PRKCH: variants seen among roughly 807,000 people sequenced by gnomAD.
PRKCH encodes the protein protein kinase C eta.
PRKCH carries 28 observed loss-of-function variants against 82.5 expected under a neutral mutation model. The ratio of observed to expected loss-of-function variants is 0.34; its 90% CI spans 0.25 to 0.47. PRKCH has a LOEUF of 0.47. Ranked by LOEUF, PRKCH falls within the 20% of genes least tolerant of loss-of-function variation. PRKCH has a pLI of 1.00. For missense variants in PRKCH, 705 were observed against 881.8 expected (o/e 0.80, Z 2.54); for synonymous variants, 322 against 327.4 (o/e 0.98, Z 0.18).
chr14:61,241,666 C>T (rs2044839137), intron 1 of PRKCH, among the ~76,000 whole-genome samples: 1 of 152,174 alleles, frequency 6.6e-6, no homozygotes, highest in South Asian at 2.1e-4. Context: ...TCCTGATCAA[C>T]TTGGTGAAAC....
intron 1 of PRKCH, among the ~76,000 whole-genome samples, chr14:61,336,301 T>C (rs1017380351): frequency 2.0e-5 from 3 of 152,178 alleles, no homozygotes; most frequent in Admixed American, 1.3e-4. Context: ...TGTAAATCAG[T>C]AGGAGATTTC....
chr14:61,237,026 T>C (rs139859847), intron 1 of PRKCH, among the ~76,000 whole-genome samples: 545 of 152,262 alleles, frequency 3.6e-3, no homozygotes, highest in African/African-American at 0.012. Context: ...CTTTACCCTA[T>C]GGACTCGCCC....
chr14:61,514,822 G>T (rs1453404531), intron 10 of PRKCH, among the ~76,000 whole-genome samples: 1 of 152,326 alleles, frequency 6.6e-6, no homozygotes, highest in South Asian at 2.1e-4. Context: ...TTTAGGTGGA[G>T]AAATAAGTCA....
intron 6 of PRKCH, 147 bp downstream of exon 6, chr14:61,451,118 G>T: frequency 8.9e-7 from 1 of 1,121,272 alleles, no homozygotes; most frequent in South Asian, 1.9e-5. Flanking sequence ...AAACTTACAT[G>T]TTTCTTGTCA....
chr14:61,336,878 AG>A, intron 1 of PRKCH, among the ~76,000 whole-genome samples: 1 of 152,030 alleles, frequency 6.6e-6, no homozygotes, highest in East Asian at 1.9e-4. Flanking sequence ...AGACCAACCT[AG>A]CCAGCATGGT....
intron 4 of PRKCH, among the ~76,000 whole-genome samples, 190 bp downstream of exon 4, chr14:61,445,916 G>A (rs993684920): frequency 6.6e-6 from 1 of 152,004 alleles, no homozygotes; most frequent in African/African-American, 2.4e-5. Flanking sequence ...CAATGTAAAG[G>A]GGACGTTTTT....
At chr14:61,437,144 A>G (rs10146980) in intron 2 of PRKCH, among the ~76,000 whole-genome samples, 2,689 of 152,316 alleles carry the variant, frequency 0.018, 87 homozygotes, top group African/African-American at 0.061. Context: ...CCAGTTGTAA[A>G]TAGCCGTTTA....
intron 1 of PRKCH, among the ~76,000 whole-genome samples, chr14:61,374,947 G>T (rs1015657671): frequency 1.3e-5 from 2 of 152,000 alleles, no homozygotes; most frequent in African/African-American, 4.8e-5. Context: ...TGGTTGTACT[G>T]CAAATTTTCC....
intron 1 of PRKCH, chr14:61,303,926 A>G (rs774121188): frequency 1.3e-5 from 2 of 151,866 alleles, no homozygotes; most frequent in African/African-American, 4.8e-5. Context: ...TGTCTTTCCA[A>G]TATGGTAGAC....
At chr14:61,476,303 A>T (rs1032278931) in intron 9 of PRKCH, 1 of 152,188 alleles carries the variant, frequency 6.6e-6, no homozygotes, top group Non-Finnish European at 1.5e-5. Context: ...AAGATATCTC[A>T]CTTAGTATCT....
intron 1 of PRKCH, among the ~76,000 whole-genome samples, chr14:61,380,997 G>A (rs888572407): frequency 2.6e-5 from 4 of 152,256 alleles, no homozygotes; most frequent in Admixed American, 6.5e-5. Context: ...AGCTGGGAGG[G>A]GAGAAATATT....
At chr14:61,384,640 G>A (rs1357683922) in intron 1 of PRKCH, among the ~76,000 whole-genome samples, 3 of 152,146 alleles carry the variant, frequency 2.0e-5, no homozygotes, top group African/African-American at 7.2e-5. Flanking sequence ...ATTCATGTGA[G>A]TTCAACACTG....
chr14:61,540,007 T>C (rs1417607008), intron 12 of PRKCH, among the ~76,000 whole-genome samples: 2 of 152,258 alleles, frequency 1.3e-5, no homozygotes, highest in Non-Finnish European at 2.9e-5. Context: ...CTCCCTGAAA[T>C]TATTTCTCAT....
intron 2 of PRKCH, among the ~76,000 whole-genome samples, chr14:61,437,165 G>T (rs1883718226): frequency 6.6e-6 from 1 of 152,100 alleles, no homozygotes; most frequent in African/African-American, 2.4e-5. Flanking sequence ...GTTAAGTTAG[G>T]CATTTGTTTA....
intron 2 of PRKCH, among the ~76,000 whole-genome samples, chr14:61,402,792 T>A (rs1881707652): frequency 6.6e-6 from 1 of 151,020 alleles, no homozygotes; most frequent in Non-Finnish European, 1.5e-5. Flanking sequence ...AGCGAAACTC[T>A]GTCTCAAAAA....
rs933619837 is a variant in PRKCH at position 61,510,490 on chromosome 14, C to T, written c.1434-18585C>T. On this transcript the variant is annotated intron_variant, in intron 10 of 13. Transcript: ENST00000332981. ...TGTGGTTGGGGGACCAAGGAGTAGG[C>T]GTTAAAGATGACTCCGAGATTTCCA... Among the ~76,000 whole-genome samples, 4 of 151,950 alleles carry T rather than the reference C, an allele frequency of 2.6e-5. 1 individual carries two copies. Among genetic ancestry groups the T allele is most frequent in the African/African-American group, 9.7e-5 (4 of 41,342 alleles).
At chr14:61,301,853 A>G (rs964211417) in intron 1 of PRKCH, among the ~76,000 whole-genome samples, 2 of 152,176 alleles carry the variant, frequency 1.3e-5, no homozygotes, top group African/African-American at 4.8e-5. Context: ...AAAGAAGTAC[A>G]TATCTTAAAG....
At chr14:61,323,664 T>C (rs563951295) in intron 1 of PRKCH, among the ~76,000 whole-genome samples, 23 of 152,346 alleles carry the variant, frequency 1.5e-4, no homozygotes, top group African/African-American at 4.8e-4. Flanking sequence ...TTCCTTTCTT[T>C]TAAATAGAAG....
At chr14:61,370,125 G>A (rs1278448268) in intron 1 of PRKCH, among the ~76,000 whole-genome samples, 1 of 151,840 alleles carries the variant, frequency 6.6e-6, no homozygotes, top group Non-Finnish European at 1.5e-5. Context: ...TGTATTTTTA[G>A]TAGAGACAAG....
Sources: allele counts gnomAD v4.1 joint callset (sites outside exome capture counted in the v4.1 genomes callset), GRCh38; gene constraint gnomAD v4.1.1; transcripts MANE v1.5; gene names NCBI Gene and HGNC (gene_info 2026-07-23, HGNC 2026-07-21).